Variants in ATP6V1H observed in about 807,000 individuals in gnomAD.
ATP6V1H encodes the protein V-type proton ATPase subunit H.
Under a neutral mutation model 71.7 loss-of-function variants are expected in ATP6V1H, and 39 were observed. The ratio of observed to expected loss-of-function variants is 0.54; its 90% CI spans 0.42 to 0.71. ATP6V1H has a LOEUF of 0.71. ATP6V1H is among the 30% of genes least tolerant of loss of function. The pLI, the probability that ATP6V1H is intolerant of heterozygous loss-of-function variation, is 0.00. For missense variants in ATP6V1H, 509 were observed against 594.9 expected, an observed-to-expected ratio of 0.86 and a Z score of 1.50; for synonymous variants, 192 against 199.3, an observed-to-expected ratio of 0.96 and a Z score of 0.31.
intron 9 of ATP6V1H, among the ~76,000 whole-genome samples, chr8:53,772,419 T>C (rs1808697177): frequency 6.6e-6 from 1 of 152,202 alleles, no homozygotes; most frequent in African/African-American, 2.4e-5. Context: ...AGATGAGCCC[T>C]ACAACACTGA....
chr8:53,837,431 A>G lies in ATP6V1H; in HGVS notation c.113+4147T>C, dbSNP rs544387092. Among the ~76,000 whole-genome samples, 6 of 152,184 alleles carry G rather than the reference A, an allele frequency of 3.9e-5. No homozygotes were observed. The South Asian group carries it at 1.2e-3, about 32-fold the overall frequency. On this transcript the variant is annotated intron_variant, in intron 2 of 13. Transcript: ENST00000359530. ...TGAGGAAAACAGAAAATACGCAAAT[A>G]CAAAAACAAATAATCTTGAAAACAC...
At chr8:53,811,282 C>T (rs1211559683) in intron 6 of ATP6V1H, 65 bp from the exon 7 acceptor site, 2 of 1,421,140 alleles carry the variant, frequency 1.4e-6, no homozygotes, top group Non-Finnish European at 2.0e-6. Context: ...TATCAGCTTA[C>T]AAAAGGGAGC....
chr8:53,735,620 C>T (rs1190393560), intron 13 of ATP6V1H, among the ~76,000 whole-genome samples: 1 of 151,996 alleles, frequency 6.6e-6, no homozygotes, highest in African/African-American at 2.4e-5. Flanking sequence ...ATAAGTCCCC[C>T]AAATTAAAAG....
chr8:53,800,779 T>C (rs887795733), intron 8 of ATP6V1H, among the ~76,000 whole-genome samples: 7 of 152,238 alleles, frequency 4.6e-5, no homozygotes, highest in South Asian at 2.1e-4. Context: ...TTAATTTTTA[T>C]TGAAATTTCT....
chr8:53,839,991 C>A (rs1381747521), intron 2 of ATP6V1H: 2 of 876,112 alleles, frequency 2.3e-6, no homozygotes, highest in African/African-American at 3.6e-5. Flanking sequence ...ATGACTCCCA[C>A]CCAGTGTGCT....
chr8:53,770,555 G>C (rs1362044423), intron 10 of ATP6V1H, among the ~76,000 whole-genome samples: 2 of 152,116 alleles, frequency 1.3e-5, no homozygotes, highest in Non-Finnish European at 2.9e-5. Context: ...GAATAAAGTA[G>C]TACAATACTT....
At chr8:53,795,865 C>T (rs758556243) in intron 8 of ATP6V1H, 26 bp from the exon 9 acceptor site, 1 of 1,566,500 alleles carries the variant, frequency 6.4e-7, no homozygotes, top group Non-Finnish European at 8.6e-7. Context: ...ACAAAAAAAA[C>T]ACATTTACAA....
intron 11 of ATP6V1H, among the ~76,000 whole-genome samples, chr8:53,761,540 A>G (rs1808275158): frequency 6.6e-6 from 1 of 152,196 alleles, no homozygotes; most frequent in African/African-American, 2.4e-5. Context: ...ATAACTTGTA[A>G]AACGTTCCCC....
At chr8:53,723,675 G>C (rs1414501302) in intron 13 of ATP6V1H, among the ~76,000 whole-genome samples, 2 of 152,174 alleles carry the variant, frequency 1.3e-5, no homozygotes, top group African/African-American at 2.4e-5. Context: ...TGCATGCACA[G>C]CTCTCCCCCA....
At chr8:53,780,103 G>A (rs551700992) in intron 9 of ATP6V1H, among the ~76,000 whole-genome samples, 16 of 150,040 alleles carry the variant, frequency 1.1e-4, no homozygotes, top group Non-Finnish European at 2.2e-4. Context: ...AGGTTGCAGC[G>A]AGCCGAGATC....
chr8:53,806,027 G>A (rs1045417479), intron 7 of ATP6V1H, among the ~76,000 whole-genome samples: 1 of 152,020 alleles, frequency 6.6e-6, no homozygotes, highest in Admixed American at 6.6e-5. Flanking sequence ...CATTTATCTC[G>A]CTGAACATTT....
intron 9 of ATP6V1H, among the ~76,000 whole-genome samples, chr8:53,784,186 G>C (rs1256492314): frequency 6.6e-6 from 1 of 152,192 alleles, no homozygotes; most frequent in African/African-American, 2.4e-5. Flanking sequence ...AAGTCTCTTT[G>C]TAGGTCACTA....
intron 12 of ATP6V1H, 186 bp downstream of exon 12, chr8:53,756,369 A>C: frequency 2.5e-6 from 1 of 403,398 alleles, no homozygotes; most frequent in Non-Finnish European, 4.4e-6. Flanking sequence ...GGCGTGAGCC[A>C]CTGCAACCGG....
chr8:53,835,402 C>A (rs187246581), intron 2 of ATP6V1H, among the ~76,000 whole-genome samples: 2 of 152,230 alleles, frequency 1.3e-5, no homozygotes, highest in African/African-American at 4.8e-5. Flanking sequence ...GCACTCAGAA[C>A]TGTCCCCTCC....
In ATP6V1H at chr8:53,792,352, G is replaced by A. The variant is rs904494882; in HGVS notation, c.870+3295C>T. Among the ~76,000 whole-genome samples the A allele has an allele frequency of 7.9e-5, 12 of 152,176 alleles. No individual in the cohort carries two copies. The South Asian group carries it at 1.9e-3, about 24-fold the overall frequency. ...CCCAACACCTGGTCAATAGCTGGTCGGTGTTTATCACACCCAGCAGGCCAC... is the reference window on the plus strand; with the variant it reads ...CCCAACACCTGGTCAATAGCTGGTCAGTGTTTATCACACCCAGCAGGCCAC... On this transcript the variant is annotated intron_variant, in intron 9 of 13. Transcript: ENST00000359530.
At chr8:53,750,019 G>C (rs1399225736) in intron 12 of ATP6V1H, among the ~76,000 whole-genome samples, 2 of 152,128 alleles carry the variant, frequency 1.3e-5, no homozygotes, top group Non-Finnish European at 2.9e-5. Flanking sequence ...ATGTATTTTT[G>C]AAAAGTAAGA....
chr8:53,751,876 G>A (rs1349785772), intron 12 of ATP6V1H, among the ~76,000 whole-genome samples: 1 of 151,952 alleles, frequency 6.6e-6, no homozygotes, highest in Admixed American at 6.6e-5. Context: ...CACCATATTG[G>A]TCAGGCTGTT....
intron 12 of ATP6V1H, among the ~76,000 whole-genome samples, chr8:53,744,032 T>G (rs1807508220): frequency 6.6e-6 from 1 of 152,174 alleles, no homozygotes; most frequent in Non-Finnish European, 1.5e-5. Context: ...ATTTCTTGCT[T>G]GTTTAATATC....
At chr8:53,819,572 AT>A (rs1270583088) in intron 4 of ATP6V1H, among the ~76,000 whole-genome samples, 8 of 130,202 alleles carry the variant, frequency 6.1e-5, no homozygotes, top group African/African-American at 1.7e-4. Flanking sequence ...ATATATATAT[AT>A]ATATATATAT....
Sources: allele counts gnomAD v4.1 joint callset (sites outside exome capture counted in the v4.1 genomes callset), GRCh38; gene constraint gnomAD v4.1.1; transcripts MANE v1.5; gene names NCBI Gene and HGNC (gene_info 2026-07-23, HGNC 2026-07-21).